Variants in DLGAP2 observed in about 807,000 individuals in gnomAD.
DLGAP2 encodes disks large-associated protein 2.
In DLGAP2, 26 loss-of-function variants were observed where a neutral mutation model predicts 100.3. The ratio of observed to expected loss-of-function variants is 0.26; its 90% CI spans 0.19 to 0.36. The LOEUF (loss-of-function observed/expected upper bound fraction) is 0.36, where lower values mean the gene tolerates loss of function less well. Ranked by LOEUF, DLGAP2 falls within the 10% of genes least tolerant of loss-of-function variation. The pLI is 1.00. For synonymous variants in DLGAP2, 886 were observed against 630.1 expected, an observed-to-expected ratio of 1.41 and a Z score of -6.08; for missense variants, 1,858 against 1,453.2, an observed-to-expected ratio of 1.28 and a Z score of -4.53.
chr8:1,701,050 C>CG (rs1799551708), intron 14 of DLGAP2, 138 bp from the exon 15 acceptor site: 2 of 752,682 alleles, frequency 2.7e-6, no homozygotes, highest in Non-Finnish European at 4.3e-6. Context: ...CCAGGGCAGA[C>CG]GGGGGACGGG....
chr8:1,037,020 G>C (rs1159081107), intron 2 of DLGAP2, among the ~76,000 whole-genome samples: 3 of 152,154 alleles, frequency 2.0e-5, no homozygotes, highest in Non-Finnish European at 2.9e-5. Context: ...GAATGCACTG[G>C]ACGCTTGCTG....
chr8:799,804 C>G (rs752274561), intron 1 of DLGAP2, among the ~76,000 whole-genome samples: 7 of 152,076 alleles, frequency 4.6e-5, no homozygotes, highest in Non-Finnish European at 1.0e-4. Context: ...GCTATGTTGC[C>G]CAGGCTGATT....
At chr8:1,573,994 C>G (rs1047999047) in intron 6 of DLGAP2, among the ~76,000 whole-genome samples, 1 of 152,036 alleles carries the variant, frequency 6.6e-6, no homozygotes, top group Admixed American at 6.6e-5. Flanking sequence ...GACTCCTAAC[C>G]CATTCTGGGA....
intron 3 of DLGAP2, among the ~76,000 whole-genome samples, chr8:1,486,941 C>A (rs1799249374): frequency 6.6e-6 from 1 of 152,176 alleles, no homozygotes; most frequent in Non-Finnish European, 1.5e-5. Flanking sequence ...GGGAGACCAG[C>A]CACGTGGGGA....
intron 2 of DLGAP2, among the ~76,000 whole-genome samples, chr8:1,104,065 C>T (rs1804673980): frequency 3.9e-5 from 6 of 152,300 alleles, no homozygotes; most frequent in South Asian, 4.1e-4. Flanking sequence ...CTCGTCTTCA[C>T]GCATGAATCA....
At chr8:1,381,804 TG>T (rs1796101971) in intron 3 of DLGAP2, among the ~76,000 whole-genome samples, 1 of 151,186 alleles carries the variant, frequency 6.6e-6, no homozygotes, top group Non-Finnish European at 1.5e-5. Context: ...TGTGTGTGTG[TG>T]TGTGTGTGTG....
chr8:1,649,782 T>C (rs1436137231), intron 8 of DLGAP2, among the ~76,000 whole-genome samples: 4 of 152,206 alleles, frequency 2.6e-5, no homozygotes, highest in Non-Finnish European at 2.9e-5. Flanking sequence ...ACGTAAGTCA[T>C]GGGAAAGCTT....
At position 1,697,310 on chromosome 8, in the gene DLGAP2, C is replaced by A; in HGVS notation, c.2949+11C>A. 6.3e-7 allele frequency: 1 copy of A among 1,583,842 alleles called. No individual in the cohort carries two copies. Among genetic ancestry groups the A allele is most frequent in the Non-Finnish European group, 8.6e-7 (1 of 1,161,174 alleles). ...TCCCCGGAAAGAAAGGTAAGGGCAT[C>A]CATGCAGGGCCGGCTCCCAGCAAAC... On this transcript the variant is annotated intron_variant, in intron 14 of 14. Coordinates refer to ENST00000637795, the MANE Select transcript of DLGAP2 (RefSeq NM_001346810.2).
At chr8:1,102,706 AT>A (rs1172609625) in intron 2 of DLGAP2, among the ~76,000 whole-genome samples, 1 of 151,728 alleles carries the variant, frequency 6.6e-6, no homozygotes, top group Non-Finnish European at 1.5e-5. Context: ...GCGTGGGGGG[AT>A]TTAGGCACCT....
At chr8:1,241,789 G>C (rs933112911) in intron 2 of DLGAP2, among the ~76,000 whole-genome samples, 7 of 151,988 alleles carry the variant, frequency 4.6e-5, no homozygotes, top group Admixed American at 6.6e-5. Flanking sequence ...GGTTGGTCTT[G>C]TTTAATTTTA....
intron 2 of DLGAP2, among the ~76,000 whole-genome samples, chr8:915,408 G>A (rs1272642648): frequency 2.6e-5 from 4 of 152,140 alleles, no homozygotes; most frequent in South Asian, 2.1e-4. Flanking sequence ...TTAGCTGGGC[G>A]TGGTGGCTGG....
chr8:1,205,648 G>T (rs1797974072), intron 2 of DLGAP2, among the ~76,000 whole-genome samples: 1 of 152,142 alleles, frequency 6.6e-6, no homozygotes, highest in Non-Finnish European at 1.5e-5. Flanking sequence ...CTCGCCTCGG[G>T]AAAGGCACAG....
chr8:1,374,113 G>GT (rs535790397), intron 3 of DLGAP2, among the ~76,000 whole-genome samples: 2,329 of 145,880 alleles, frequency 0.016, 78 homozygotes, highest in African/African-American at 0.057. Flanking sequence ...AGGACTGTGT[G>GT]GTGGAGGTTA....
chr8:1,253,025 T>A (rs369798127), intron 2 of DLGAP2, among the ~76,000 whole-genome samples: 15 of 152,244 alleles, frequency 9.9e-5, no homozygotes, highest in African/African-American at 2.6e-4. Context: ...CCAGCCCTCA[T>A]CCCGCTGTCC....
intron 2 of DLGAP2, among the ~76,000 whole-genome samples, chr8:1,256,124 G>A (rs1346845154): frequency 8.8e-6 from 1 of 113,116 alleles, no homozygotes; most frequent in East Asian, 2.8e-4. Context: ...CTCCTGCCTG[G>A]GTGCTTTCTG....
chr8:1,093,988 T>TGGAGGGCAGCTTCGCGGTGGGTGGAG (rs375295151), intron 2 of DLGAP2, among the ~76,000 whole-genome samples: 23,284 of 151,180 alleles, frequency 0.15, 1,854 homozygotes, highest in Admixed American at 0.2. Context: ...CGCTCGTGGA[T>TGGAGGGCAGCTTCGCGGTGGGTGGAG]GGAGGGCAGC....
intron 2 of DLGAP2, among the ~76,000 whole-genome samples, chr8:1,228,882 T>G (rs1798476753): frequency 6.6e-6 from 1 of 152,194 alleles, no homozygotes; most frequent in Non-Finnish European, 1.5e-5. Flanking sequence ...ACAAAGATCT[T>G]GGCTGTCACT....
At chr8:1,616,242 C>A (rs1210757042) in intron 6 of DLGAP2, among the ~76,000 whole-genome samples, 3 of 151,826 alleles carry the variant, frequency 2.0e-5, no homozygotes, top group South Asian at 4.2e-4. Context: ...AAGAATAGAG[C>A]CTCAGTAATA....
chr8:1,645,363 C>T lies in DLGAP2; in HGVS notation c.1810+12317C>T, dbSNP rs371764148. Among the ~76,000 whole-genome samples, 21 of 152,254 alleles carry T rather than the reference C, an allele frequency of 1.4e-4. 1 individual carries two copies. The highest frequency in any genetic ancestry group is 3.9e-4 in the East Asian group (2 of 5,172). On this transcript the variant is annotated intron_variant, in intron 8 of 14. Coordinates refer to ENST00000637795, the MANE Select transcript of DLGAP2 (RefSeq NM_001346810.2). ...ATTATAAAACAGGCATTAAGTGAGA[C>T]GATGTTGGCCAACTGCAGGCCAGTG...
Sources: gnomAD v4.1 joint callset for allele counts (sites outside exome capture counted in the v4.1 genomes callset) on GRCh38, gnomAD v4.1.1 for gene constraint, MANE v1.5 for transcripts, NCBI Gene and HGNC (gene_info 2026-07-23, HGNC 2026-07-21) for gene names.